Variants in MEAK7 observed in about 807,000 individuals in gnomAD.
The protein encoded by MEAK7 is MTOR-associated protein MEAK7.
MEAK7 carries 68 observed loss-of-function variants against 40.5 expected under a neutral mutation model. That is an observed-to-expected ratio of 1.68 (90% CI 1.38 to 2.06). The LOEUF is 2.06. Among genes scored for constraint, MEAK7 ranks in the 30% most tolerant of loss-of-function variants. The pLI, the probability that MEAK7 is intolerant of heterozygous loss-of-function variation, is 0.00. For synonymous variants in MEAK7, 338 were observed against 231.9 expected (o/e 1.46, Z -4.16); for missense variants, 918 against 580.5 (o/e 1.58, Z -5.98).
chr16:84,503,855 C>CCAA (rs1914686844), intron 1 of MEAK7: 1 of 871,550 alleles, frequency 1.1e-6, no homozygotes, highest in South Asian at 5.3e-5. Context: ...CAGAGCTTCT[C>CCAA]CAACAGGCTG....
intron 1 of MEAK7, among the ~76,000 whole-genome samples, chr16:84,503,735 G>A (rs765494326): frequency 6.6e-6 from 1 of 152,074 alleles, no homozygotes; most frequent in Non-Finnish European, 1.5e-5. Flanking sequence ...TGGAAGAAAC[G>A]GAAGGTTGCT....
chr16:84,482,769 C>A, intron 5 of MEAK7, 59 bp from the exon 6 acceptor site: 10 of 1,599,720 alleles, frequency 6.3e-6, no homozygotes, highest in Non-Finnish European at 8.5e-6. Flanking sequence ...TCCCACAGGG[C>A]CGGAAATGCC....
chr16:84,491,538 T>TAAAAA (rs57708607), intron 3 of MEAK7, among the ~76,000 whole-genome samples: 44,372 of 121,004 alleles, frequency 0.37, 8,429 homozygotes, highest in South Asian at 0.5. Context: ...GACCCTGTCT[T>TAAAAA]AAAAAAAAAA....
chr16:84,496,775 C>G (rs4586419), intron 2 of MEAK7, among the ~76,000 whole-genome samples: 5 of 152,078 alleles, frequency 3.3e-5, no homozygotes, highest in East Asian at 1.9e-4. Flanking sequence ...CAATCTGCTC[C>G]CATCCTGCCT....
At chr16:84,501,806 G>C (rs539440563) in intron 1 of MEAK7, among the ~76,000 whole-genome samples, 14 of 152,274 alleles carry the variant, frequency 9.2e-5, no homozygotes, top group Admixed American at 7.8e-4. Flanking sequence ...GTCTCAGAAC[G>C]GCTCAAGGAC....
intron 4 of MEAK7, among the ~76,000 whole-genome samples, chr16:84,488,735 G>A (rs1028596218): frequency 3.3e-5 from 5 of 152,160 alleles, no homozygotes; most frequent in African/African-American, 1.2e-4. Flanking sequence ...AGAAAATATT[G>A]AGATCAATGA....
intron 3 of MEAK7, among the ~76,000 whole-genome samples, chr16:84,492,740 C>A (rs995921108): frequency 6.6e-6 from 1 of 152,098 alleles, no homozygotes; most frequent in African/African-American, 2.4e-5. Context: ...TGCCACCACG[C>A]CTGGCCAATT....
At position 84,498,247 on chromosome 16, in the gene MEAK7, T is replaced by C. The variant is rs543775159; in HGVS notation, c.-25-136A>G. The C allele has an allele frequency of 1.3e-5, 14 of 1,078,968 alleles. No homozygotes were observed. In the African/African-American group the frequency reaches 1.8e-4, roughly 14 times the overall value. The allele number at this position is 1,078,968 out of a possible 1,614,324, so 66.8% of individuals were successfully genotyped here. On this transcript the variant is annotated intron_variant, in intron 1 of 7. Coordinates refer to ENST00000343629, the MANE Select transcript of MEAK7 (RefSeq NM_020947.4). ...GTAGCTAAAACACATCAGAGCTACATAATACTGGGTTTTGGGTTTTGTTTT... is the reference window on the plus strand; with the variant it reads ...GTAGCTAAAACACATCAGAGCTACACAATACTGGGTTTTGGGTTTTGTTTT...
chr16:84,493,489 C>A (rs563337358), intron 3 of MEAK7, among the ~76,000 whole-genome samples: 1 of 152,110 alleles, frequency 6.6e-6, no homozygotes, highest in African/African-American at 2.4e-5. Context: ...AACAGATGAC[C>A]GAAATAATCT....
intron 1 of MEAK7, among the ~76,000 whole-genome samples, chr16:84,501,221 G>C (rs1467934572): frequency 6.6e-6 from 1 of 151,778 alleles, no homozygotes; most frequent in South Asian, 2.1e-4. Flanking sequence ...TCACATTCCA[G>C]CTGAGTCTTC....
At chr16:84,500,135 G>A (rs530380754) in intron 1 of MEAK7, 11 of 152,294 alleles carry the variant, frequency 7.2e-5, no homozygotes, top group East Asian at 3.9e-4. Flanking sequence ...GTTGTAGCGC[G>A]GGTCAGCATT....
At chr16:84,489,453 A>G (rs1467068448) in intron 3 of MEAK7, 31 bp from the exon 4 acceptor site, 4 of 1,585,342 alleles carry the variant, frequency 2.5e-6, no homozygotes, top group Admixed American at 3.5e-5. Context: ...CATTAAAAAC[A>G]GTTCCACCAT....
intron 1 of MEAK7, among the ~76,000 whole-genome samples, chr16:84,503,411 C>A (rs866339454): frequency 6.6e-6 from 1 of 152,262 alleles, no homozygotes; most frequent in East Asian, 1.9e-4. Context: ...AGTCATCTTC[C>A]ATCCACTGAT....
Position 84,489,286 on chromosome 16 carries a change from T to A in MEAK7, c.521A>T (p.Lys174Met), listed in dbSNP as rs1483774868. 1 of 1,613,886 alleles carries A rather than the reference T, an allele frequency of 6.2e-7. No individual in the cohort carries two copies. The highest frequency in any genetic ancestry group is 1.7e-5 in the Admixed American group (1 of 59,986). ...VLAAQLLSDMKLQDGKRLLGP... is the reference protein window; with the variant it reads ...VLAAQLLSDMMLQDGKRLLGP... ...CGTCCACGCACACTTGCCTTGCAGC[T>A]TCATGTCAGAGAGCAGCTGAGCAGC... Residue 174 changes from lysine (K) to methionine (M), a missense_variant, in exon 4 of 8, where the codon AAG becomes ATG. Coordinates refer to ENST00000343629, the MANE Select transcript of MEAK7 (RefSeq NM_020947.4).
chr16:84,504,130 A>T, intron 1 of MEAK7: 1 of 985,548 alleles, frequency 1.0e-6, no homozygotes. Flanking sequence ...GCCTGGGAAC[A>T]GTTATCAGCT....
chr16:84,483,280 C>A (rs1417779948), intron 5 of MEAK7, among the ~76,000 whole-genome samples: 1 of 152,184 alleles, frequency 6.6e-6, no homozygotes, highest in African/African-American at 2.4e-5. Flanking sequence ...AGGTACCAGT[C>A]AAAACTCTGG....
chr16:84,489,434 C>A lies in MEAK7; in HGVS notation c.385-12G>T. 6.3e-7 allele frequency: 1 copy of A among 1,597,730 alleles called. No individual in the cohort carries two copies. The highest frequency in any genetic ancestry group is 1.1e-5 in the South Asian group (1 of 89,566). The stretch of plus-strand genomic sequence containing the variant: ...AGATCCTCTGTAAACTGTAAGATCA[C>A]AATTTTACCATTAAAAACAGTTCCA... On this transcript the variant is annotated splice_polypyrimidine_tract_variant and intron_variant, in intron 3 of 7. Transcript: ENST00000343629.
In MEAK7 at chr16:84,478,842, G is replaced by T; in HGVS notation, c.*1071C>A. ...GATCTAGAACCCAGGCCAGCACCGA[G>T]GCCTAGACAGCTGTGACTCAGGTGC... is the stretch of plus-strand genomic sequence containing the variant. On this transcript the variant is annotated 3_prime_UTR_variant, in exon 8 of 8. Transcript: ENST00000343629. 1 of 152,324 alleles carries T rather than the reference G, an allele frequency of 6.6e-6. No individual in the cohort carries two copies. The allele number at this position is 152,324 out of a possible 1,614,324, so 9.4% of individuals were successfully genotyped here.
At chr16:84,498,161 C>A (rs79169411) in intron 1 of MEAK7, 50 bp from the exon 2 acceptor site, 77,404 of 1,521,434 alleles carry the variant, frequency 0.051, 4,696 homozygotes, top group East Asian at 0.33. Context: ...TTAATAATCA[C>A]AGAAAATAAA....
Sources: gnomAD v4.1 joint callset for allele counts (sites outside exome capture counted in the v4.1 genomes callset) on GRCh38, gnomAD v4.1.1 for gene constraint, MANE v1.5 for transcripts, NCBI Gene and HGNC (gene_info 2026-07-23, HGNC 2026-07-21) for gene names.